The following RMDN1 variants were observed in gnomAD, a reference collection of about 807,000 sequenced individuals.
The protein encoded by RMDN1 is regulator of microtubule dynamics 1.
In RMDN1, 48 loss-of-function variants were observed where a neutral mutation model predicts 48.9. The observed-to-expected ratio is 0.98, with a 90% CI of 0.78 to 1.25. RMDN1 has a LOEUF of 1.25. RMDN1 is among the 50% of genes most tolerant of loss of function. RMDN1 has a pLI of 0.00. For missense variants in RMDN1, 418 were observed against 373.4 expected (o/e 1.12, Z -0.98); for synonymous variants, 148 against 132.6 (o/e 1.12, Z -0.80).
At chr8:86,476,321 T>C (rs985594471) in intron 8 of RMDN1, among the ~76,000 whole-genome samples, 4 of 152,224 alleles carry the variant, frequency 2.6e-5, no homozygotes, top group Non-Finnish European at 5.9e-5. Flanking sequence ...TAAATCAGAA[T>C]TGATGAATTA....
At position 86,506,989 on chromosome 8, in the gene RMDN1, G is replaced by A; in HGVS notation, c.247+6C>T. On this transcript the variant is annotated splice_donor_region_variant and intron_variant, in intron 2 of 9. Coordinates refer to ENST00000406452, the MANE Select transcript of RMDN1 (RefSeq NM_016033.3). The stretch of plus-strand genomic sequence containing the variant: ...TAAATGTTCCATATATCTAATTTAT[G>A]CTTACCTTTGGCTGTGGCATGAACC... 5.4e-6 allele frequency: 8 copies of A among 1,490,134 alleles called. No homozygotes were observed. Among genetic ancestry groups the A allele is most frequent in the Non-Finnish European group, 7.5e-6 (8 of 1,071,544 alleles). 92.3% of individuals were successfully genotyped at this position (1,490,134 alleles called of 1,614,324 possible).
chr8:86,513,501 C>T (rs1264153080), upstream of RMDN1, among the ~76,000 whole-genome samples: 1 of 152,192 alleles, frequency 6.6e-6, no homozygotes, highest in Non-Finnish European at 1.5e-5. Flanking sequence ...TCTAAATTAT[C>T]GAGCAGTCAT....
chr8:86,469,188 C>CCG (rs1050698464), downstream of RMDN1, among the ~76,000 whole-genome samples: 2 of 151,132 alleles, frequency 1.3e-5, no homozygotes, highest in African/African-American at 4.9e-5. Context: ...TTGTCCCGCC[C>CCG]CCCCCATGTA....
At chr8:86,479,078 A>G in intron 6 of RMDN1, 68 bp from the exon 7 acceptor site, 1 of 1,125,070 alleles carries the variant, frequency 8.9e-7, no homozygotes, top group Non-Finnish European at 1.3e-6. Flanking sequence ...TTAACTAAGC[A>G]TCTTAATACT....
At chr8:86,511,937 T>C (rs1029174516), upstream of RMDN1, among the ~76,000 whole-genome samples, 3 of 152,194 alleles carry the variant, frequency 2.0e-5, no homozygotes, top group Non-Finnish European at 4.4e-5. Context: ...AAGAATATTT[T>C]GTGAATATCT....
In RMDN1 at chr8:86,481,560, CTTTT is replaced by C. The variant is rs71275857; in HGVS notation, c.586-1232_586-1229del. Among the ~76,000 whole-genome samples the C allele has an allele frequency of 4.9e-3, 514 of 104,464 alleles. 4 individuals carry two copies. Among genetic ancestry groups the C allele is most frequent in the African/African-American group, 0.014 (381 of 27,620 alleles). 68.5% of individuals were successfully genotyped at this position (104,464 alleles called of 152,430 possible). On this transcript the variant is annotated intron_variant, in intron 5 of 9. Transcript: ENST00000406452. ...GGGGATCAGGGTTTAATTAATTTTC[CTTTT>C]TTTTTTTTTTTTTTTTTGCCTTTGC...
rs375987968 is a variant in RMDN1, at chr8:86,482,636, C to T, written c.585+2236G>A. 37 of 778,630 alleles carry T rather than the reference C, an allele frequency of 4.8e-5. 1 individual carries two copies. The highest frequency in any genetic ancestry group is 2.0e-4 in the East Asian group (8 of 40,492). The allele number at this position is 778,630 out of a possible 1,614,324, so 48.2% of individuals were successfully genotyped here. On this transcript the variant is annotated intron_variant, in intron 5 of 9. Coordinates refer to ENST00000406452, the MANE Select transcript of RMDN1 (RefSeq NM_016033.3). ...TCACTGAAGCCTCCCACGAGGTATA[C>T]TTCCAGGCTTCCACATTGAGCGCAG...
intron 1 of RMDN1, among the ~76,000 whole-genome samples, chr8:86,513,958 G>A (rs752549274): frequency 1.3e-5 from 2 of 151,580 alleles, no homozygotes; most frequent in Non-Finnish European, 2.9e-5. Context: ...TTCTGCCTCA[G>A]CCTCCTGTGT....
chr8:86,494,463 G>A (rs1340495794), intron 2 of RMDN1, among the ~76,000 whole-genome samples: 1 of 152,188 alleles, frequency 6.6e-6, no homozygotes, highest in Admixed American at 6.5e-5. Context: ...GGCCGAGGCA[G>A]GAGGATTGCC....
At chr8:86,493,186 T>G (rs1248884954) in intron 2 of RMDN1, among the ~76,000 whole-genome samples, 1 of 152,174 alleles carries the variant, frequency 6.6e-6, no homozygotes, top group Non-Finnish European at 1.5e-5. Flanking sequence ...TATATAAACA[T>G]GCCGAGCAAC....
chr8:86,472,462 GCTT>G lies in RMDN1; in HGVS notation c.*1843_*1845del. 1.4e-6 allele frequency: 1 copy of G among 702,500 alleles called. No homozygotes were observed. The highest frequency in any genetic ancestry group is 2.6e-6 in the Non-Finnish European group (1 of 384,972). The allele number at this position is 702,500 out of a possible 1,614,324, so 43.5% of individuals were successfully genotyped here. On this transcript the variant is annotated 3_prime_UTR_variant, in exon 10 of 10. Coordinates refer to ENST00000406452, the MANE Select transcript of RMDN1 (RefSeq NM_016033.3). ...AGACCCACTTCCTGGCCCTTCAGCT[GCTT>G]CTGTTTCTCTTCACCTACAAAAATA...
At position 86,473,343 on chromosome 8, in the gene RMDN1, T is replaced by G; in HGVS notation, c.*965A>C. On this transcript the variant is annotated 3_prime_UTR_variant, in exon 10 of 10. Coordinates refer to ENST00000406452, the MANE Select transcript of RMDN1 (RefSeq NM_016033.3). ...GCACTCCAGCCTCAAGTGAGTAGCA[T>G]AGTCCTGCCTATTTAAAAACATCTT... 1.0e-6 allele frequency: 1 copy of G among 985,472 alleles called. No individual in the cohort carries two copies. The highest frequency in any genetic ancestry group is 1.2e-6 in the Non-Finnish European group (1 of 829,932). 61.0% of individuals were successfully genotyped at this position (985,472 alleles called of 1,614,324 possible).
chr8:86,512,971 T>C (rs1820128159), upstream of RMDN1, among the ~76,000 whole-genome samples: 1 of 152,154 alleles, frequency 6.6e-6, no homozygotes, highest in African/African-American at 2.4e-5. Flanking sequence ...AAGTTTTTAC[T>C]TAAGAATGTC....
chr8:86,509,143 C>T (rs902677257), upstream of RMDN1, among the ~76,000 whole-genome samples: 3 of 152,044 alleles, frequency 2.0e-5, no homozygotes, highest in East Asian at 5.8e-4. Context: ...GTCTCTTCGA[C>T]TGAGCGACTC....
intron 4 of RMDN1, among the ~76,000 whole-genome samples, chr8:86,486,120 C>T (rs879146693): frequency 2.6e-5 from 4 of 152,000 alleles, no homozygotes; most frequent in Non-Finnish European, 4.4e-5. Flanking sequence ...AGAAATATAA[C>T]GTAAGGAAAA....
At chr8:86,484,238 A>C (rs1815066960) in intron 5 of RMDN1, among the ~76,000 whole-genome samples, 1 of 152,188 alleles carries the variant, frequency 6.6e-6, no homozygotes, top group African/African-American at 2.4e-5. Flanking sequence ...GCTATAATGA[A>C]GGTTGAGCTA....
chr8:86,505,243 T>C (rs549035590), intron 2 of RMDN1: 65 of 539,410 alleles, frequency 1.2e-4, no homozygotes, highest in South Asian at 9.3e-4. Context: ...AATGGTTTTT[T>C]AAATATTTTA....
At chr8:86,470,375 G>T, downstream of RMDN1, 1 of 1,288,384 alleles carries the variant, frequency 7.8e-7, no homozygotes, top group South Asian at 1.2e-5. Context: ...GTGGGGAAAC[G>T]TCACGGACCA....
Position 86,477,504 on chromosome 8 carries a change from A to G in RMDN1, c.730-180T>C, listed in dbSNP as rs570915566. 11 of 515,298 alleles carry G rather than the reference A, an allele frequency of 2.1e-5. No individual in the cohort carries two copies. The East Asian group carries it at 3.5e-4, about 16-fold the overall frequency. 31.9% of individuals were successfully genotyped at this position (515,298 alleles called of 1,614,324 possible). ...CACCCAAAGTGAACGTAACACTTCAATCATCAAGATTACAATATATGGACT... is the reference window on the plus strand; with the variant it reads ...CACCCAAAGTGAACGTAACACTTCAGTCATCAAGATTACAATATATGGACT... On this transcript the variant is annotated intron_variant, in intron 7 of 9. Coordinates refer to ENST00000406452, the MANE Select transcript of RMDN1 (RefSeq NM_016033.3).
Sources: allele counts gnomAD v4.1 joint callset (sites outside exome capture counted in the v4.1 genomes callset), GRCh38; gene constraint gnomAD v4.1.1; transcripts MANE v1.5; gene names NCBI Gene and HGNC (gene_info 2026-07-23, HGNC 2026-07-21).